PDZD2: variants seen among roughly 807,000 people sequenced by gnomAD.
The protein encoded by PDZD2 is PDZ domain-containing protein 2.
A neutral mutation model predicts 220.7 loss-of-function variants in PDZD2; 90 were observed. The observed-to-expected ratio is 0.41, with a 90% CI of 0.34 to 0.49. The LOEUF is 0.49. Ranked by LOEUF, PDZD2 falls within the 20% of genes least tolerant of loss-of-function variation. The probability of loss-of-function intolerance (pLI) is 0.28; values close to 1 mark genes in which losing one functional copy is unlikely to be tolerated. For missense variants in PDZD2, 3,174 were observed against 3,608.5 expected (o/e 0.88, Z 3.08); for synonymous variants, 1,375 against 1,450.5 (o/e 0.95, Z 1.18).
At chr5:32,020,654 C>T (rs199812862) in intron 6 of PDZD2, among the ~76,000 whole-genome samples, 225 of 132,950 alleles carry the variant, frequency 1.7e-3, no homozygotes, top group Middle Eastern at 3.6e-3. Flanking sequence ...TTTTTTTTTT[C>T]TTTTTTTTTT....
chr5:32,018,829 G>C (rs1753976297), intron 6 of PDZD2, among the ~76,000 whole-genome samples: 1 of 152,210 alleles, frequency 6.6e-6, no homozygotes, highest in Admixed American at 6.5e-5. Context: ...CGGATTGCCA[G>C]AGCAAGATAG....
At chr5:31,809,105 C>T (rs186545197) in intron 2 of PDZD2, among the ~76,000 whole-genome samples, 5 of 152,268 alleles carry the variant, frequency 3.3e-5, no homozygotes, top group Admixed American at 6.5e-5. Context: ...ACATCTAGAA[C>T]CTTCCATCTC....
rs559363314 is a variant in PDZD2 at position 31,794,491 on chromosome 5, C to T, written c.-360-4398C>T. Among the ~76,000 whole-genome samples, 7 of 147,364 alleles carry T rather than the reference C, an allele frequency of 4.8e-5. No individual in the cohort carries two copies. The East Asian group carries it at 1.2e-3, about 25-fold the overall frequency. The stretch of plus-strand genomic sequence containing the variant: ...TCTCGGCTCACTGCAAGCTCCGCCT[C>T]CCGGGTTCACACCATTCTCCTGCCT... On this transcript the variant is annotated intron_variant, in intron 1 of 24. Transcript: ENST00000438447.
Position 32,089,097 on chromosome 5 carries a change from G to A in PDZD2, c.5649G>A (p.Pro1883=), listed in dbSNP as rs900170628. Reference sequence around the variant, plus strand: ...ATGGTCAGAAGGCAAAGTGTGGTCCGAAGCTGAAGAGGCTCAGCCTCAAGG... The same window carrying A: ...ATGGTCAGAAGGCAAAGTGTGGTCCAAAGCTGAAGAGGCTCAGCCTCAAGG... ...LTNGQKAKCG[P]KLKRLSLKGK... is the part of the protein sequence containing the mutation. The change falls in exon 20 of 25, where the codon CCG becomes CCA. Residue 1883 remains proline, a synonymous_variant. Coordinates refer to ENST00000438447, the MANE Select transcript of PDZD2 (RefSeq NM_178140.4). The A allele has an allele frequency of 8.1e-6, 13 of 1,613,946 alleles. No homozygotes were observed. Among genetic ancestry groups the A allele is most frequent in the South Asian group, 1.1e-5 (1 of 91,088 alleles).
chr5:31,972,764 C>T (rs1749423237), intron 2 of PDZD2, among the ~76,000 whole-genome samples: 1 of 152,158 alleles, frequency 6.6e-6, no homozygotes, highest in Non-Finnish European at 1.5e-5. Flanking sequence ...CTGACTCAAT[C>T]ATGTACAGCA....
chr5:31,661,716 T>C (rs556424622), intron 1 of PDZD2, among the ~76,000 whole-genome samples: 4 of 152,116 alleles, frequency 2.6e-5, no homozygotes, highest in Admixed American at 6.5e-5. Flanking sequence ...TAGGGACAGT[T>C]TGAGTAAATG....
intron 2 of PDZD2, among the ~76,000 whole-genome samples, chr5:31,967,807 C>T (rs1378779034): frequency 3.3e-5 from 5 of 152,092 alleles, no homozygotes; most frequent in Non-Finnish European, 7.4e-5. Flanking sequence ...ATAGCAAAGC[C>T]CCCTGTGATA....
chr5:31,905,999 ATTTTATTTTTATTTAT>A (rs1263722968), intron 2 of PDZD2, among the ~76,000 whole-genome samples: 1 of 150,502 alleles, frequency 6.6e-6, no homozygotes, highest in East Asian at 1.9e-4. Flanking sequence ...AATTGAGGTT[ATTTTATTTTTATTTAT>A]TTTTATTTTT....
intron 2 of PDZD2, among the ~76,000 whole-genome samples, chr5:31,968,637 A>G (rs1455774663): frequency 1.3e-5 from 2 of 152,134 alleles, no homozygotes; most frequent in Non-Finnish European, 2.9e-5. Context: ...CCTGGGCAAC[A>G]AGAGCGAAAT....
chr5:31,853,401 T>C (rs1758174303), intron 2 of PDZD2, among the ~76,000 whole-genome samples: 1 of 152,206 alleles, frequency 6.6e-6, no homozygotes, highest in Admixed American at 6.5e-5. Flanking sequence ...CTGTTTCCTT[T>C]TGGTTCTTCC....
intron 1 of PDZD2, among the ~76,000 whole-genome samples, chr5:31,741,126 C>G (rs1464308998): frequency 6.6e-6 from 1 of 151,920 alleles, no homozygotes; most frequent in African/African-American, 2.4e-5. Flanking sequence ...CTCCCATGTA[C>G]TTTTTGAAGA....
chr5:31,910,671 A>G (rs1435020593), intron 2 of PDZD2, among the ~76,000 whole-genome samples: 2 of 150,576 alleles, frequency 1.3e-5, no homozygotes, highest in African/African-American at 4.9e-5. Context: ...GATTACAAGC[A>G]TGAGCTACCA....
chr5:31,887,715 G>A (rs1740640527), intron 2 of PDZD2, among the ~76,000 whole-genome samples: 1 of 152,080 alleles, frequency 6.6e-6, no homozygotes, highest in Non-Finnish European at 1.5e-5. Flanking sequence ...CAGTTAGGGG[G>A]ACAGTGTCAA....
chr5:31,803,261 CT>C (rs759569783), intron 2 of PDZD2, among the ~76,000 whole-genome samples: 2,110 of 92,134 alleles, frequency 0.023, 25 homozygotes, highest in African/African-American at 0.095. Context: ...CTGCATCTGG[CT>C]TTTTTTTTTT....
intron 2 of PDZD2, among the ~76,000 whole-genome samples, chr5:31,802,776 C>G (rs1175650197): frequency 6.6e-6 from 1 of 151,864 alleles, no homozygotes; most frequent in Non-Finnish European, 1.5e-5. Flanking sequence ...AAAAATTAGC[C>G]GGGCGTGGTG....
intron 2 of PDZD2, among the ~76,000 whole-genome samples, chr5:31,880,783 T>TTTTTTTTCTTTTTTTC (rs765667404): frequency 9.5e-6 from 1 of 105,752 alleles, no homozygotes; most frequent in Non-Finnish European, 1.8e-5. Context: ...TAGCTTTCTT[T>TTTTTTTTCTTTTTTTC]TTTTTTTCTT....
At chr5:32,060,407 A>C (rs1232515277) in intron 13 of PDZD2, among the ~76,000 whole-genome samples, 1 of 152,184 alleles carries the variant, frequency 6.6e-6, no homozygotes, top group Non-Finnish European at 1.5e-5. Context: ...ACTTGTCCCC[A>C]ATTTCTCATT....
chr5:31,992,914 G>C (rs573368069), intron 3 of PDZD2, among the ~76,000 whole-genome samples: 1 of 149,802 alleles, frequency 6.7e-6, no homozygotes, highest in African/African-American at 2.5e-5. Context: ...CCGTGAGGCC[G>C]CCACAGGGCT....
At chr5:32,066,274 G>A (rs577101000) in intron 14 of PDZD2, among the ~76,000 whole-genome samples, 1 of 152,238 alleles carries the variant, frequency 6.6e-6, no homozygotes, top group South Asian at 2.1e-4. Flanking sequence ...GAACCTGGGA[G>A]GTAGAGGTTG....
Sources: allele counts gnomAD v4.1 joint callset (sites outside exome capture counted in the v4.1 genomes callset), GRCh38; gene constraint gnomAD v4.1.1; transcripts MANE v1.5; gene names NCBI Gene and HGNC (gene_info 2026-07-23, HGNC 2026-07-21).